The following RBFOX1 variants were observed in gnomAD, a reference collection of about 807,000 sequenced individuals.
RBFOX1 encodes RNA binding fox-1 homolog 1, also known as RNA binding protein fox-1 homolog 1.
Under a neutral mutation model 57.7 loss-of-function variants are expected in RBFOX1, and 8 were observed. That is an observed-to-expected ratio of 0.14 (90% CI 0.08 to 0.25). RBFOX1 has a LOEUF of 0.25. Ranked by LOEUF, RBFOX1 falls within the 10% of genes least tolerant of loss-of-function variation. The pLI is 1.00. For synonymous variants in RBFOX1, 326 were observed against 222.4 expected, an observed-to-expected ratio of 1.47 and a Z score of -4.15; for missense variants, 611 against 548.5, an observed-to-expected ratio of 1.11 and a Z score of -1.14.
At chr16:7,573,591 T>C (rs895957875) in intron 5 of RBFOX1, among the ~76,000 whole-genome samples, 3 of 152,174 alleles carry the variant, frequency 2.0e-5, no homozygotes, top group African/African-American at 7.2e-5. Context: ...CCCAGCACTT[T>C]GGGAGGCCAA....
At chr16:5,788,929 A>T (rs2054599811) in intron 3 of RBFOX1, among the ~76,000 whole-genome samples, 1 of 152,150 alleles carries the variant, frequency 6.6e-6, no homozygotes, top group African/African-American at 2.4e-5. Context: ...GTGTCTCAGG[A>T]AGATAGAAGC....
At chr16:7,393,018 C>T (rs534635065) in intron 4 of RBFOX1, among the ~76,000 whole-genome samples, 3 of 152,220 alleles carry the variant, frequency 2.0e-5, no homozygotes, top group East Asian at 3.9e-4. Flanking sequence ...GGACTACAGG[C>T]CCATGCCACC....
intron 10 of RBFOX1, among the ~76,000 whole-genome samples, chr16:7,611,837 T>G (rs1238841869): frequency 6.6e-6 from 1 of 152,176 alleles, no homozygotes; most frequent in South Asian, 2.1e-4. Context: ...CAAGTCATAC[T>G]TATAAAAATC....
chr16:7,485,784 A>G (rs1024846663), intron 4 of RBFOX1, among the ~76,000 whole-genome samples: 1 of 152,150 alleles, frequency 6.6e-6, no homozygotes, highest in Non-Finnish European at 1.5e-5. Context: ...ACATCCCTTG[A>G]CTATCTTCTG....
chr16:6,023,232 A>G (rs1596459176), intron 1 of RBFOX1, among the ~76,000 whole-genome samples: 1 of 150,508 alleles, frequency 6.6e-6, no homozygotes, highest in South Asian at 2.1e-4. Flanking sequence ...GAATTGACCC[A>G]CTCTGCCCTA....
intron 4 of RBFOX1, among the ~76,000 whole-genome samples, chr16:7,188,777 G>T (rs1206358114): frequency 6.6e-6 from 1 of 152,186 alleles, no homozygotes; most frequent in East Asian, 1.9e-4. Context: ...AAGACCGCAA[G>T]AGCTGGTATA....
intron 3 of RBFOX1, among the ~76,000 whole-genome samples, chr16:6,973,998 G>T (rs961668961): frequency 6.6e-6 from 1 of 152,064 alleles, no homozygotes; most frequent in Admixed American, 6.6e-5. Flanking sequence ...TCATTGTTCA[G>T]CTCTCACTTT....
chr16:5,874,536 A>T (rs1026852149), intron 4 of RBFOX1, among the ~76,000 whole-genome samples: 5 of 152,160 alleles, frequency 3.3e-5, no homozygotes, highest in African/African-American at 1.2e-4. Flanking sequence ...AAGGAAAAAA[A>T]GATGGAGAGT....
intron 1 of RBFOX1, among the ~76,000 whole-genome samples, chr16:6,162,146 G>A (rs944315864): frequency 3.9e-5 from 6 of 152,060 alleles, no homozygotes; most frequent in South Asian, 2.1e-4. Context: ...GAGACTGGGC[G>A]TCACTCTGTC....
chr16:7,059,567 A>G (rs1162210762), intron 4 of RBFOX1, among the ~76,000 whole-genome samples: 1 of 152,200 alleles, frequency 6.6e-6, no homozygotes, highest in Non-Finnish European at 1.5e-5. Flanking sequence ...TCAATGTGAA[A>G]CTGATGAATA....
Position 7,713,101 on chromosome 16 carries a change from A to G in RBFOX1, c.*2356A>G, listed in dbSNP as rs762733445. ...AACAAACATTTTGGATTTTTTTTAA[A>G]CAGTATTTATTTGGAATGTTTTCAT... On this transcript the variant is annotated 3_prime_UTR_variant, in exon 16 of 16. Transcript: ENST00000550418. 1 of 152,174 alleles carries G rather than the reference A, an allele frequency of 6.6e-6. No homozygotes were observed. The highest frequency in any genetic ancestry group is 1.5e-5 in the Non-Finnish European group (1 of 68,034). The allele number at this position is 152,174 out of a possible 1,614,324, so 9.4% of individuals were successfully genotyped here. A position where few individuals can be genotyped will look rare whatever the true frequency, so the allele number is the denominator to read the frequency against.
chr16:6,065,018 T>G (rs1300550852), intron 1 of RBFOX1, among the ~76,000 whole-genome samples: 1 of 151,770 alleles, frequency 6.6e-6, no homozygotes, highest in African/African-American at 2.4e-5. Context: ...TTCTTTTCTT[T>G]CTTTCTTTCT....
At chr16:7,028,803 C>T (rs183362273) in intron 3 of RBFOX1, among the ~76,000 whole-genome samples, 8 of 150,860 alleles carry the variant, frequency 5.3e-5, no homozygotes, top group Non-Finnish European at 7.4e-5. Flanking sequence ...CAAACATTGG[C>T]GATCAACAAA....
At chr16:6,957,617 C>A (rs952218430) in intron 3 of RBFOX1, among the ~76,000 whole-genome samples, 1 of 152,110 alleles carries the variant, frequency 6.6e-6, no homozygotes, top group East Asian at 1.9e-4. Context: ...GTTTTATCAG[C>A]AAGGTCTTTA....
intron 3 of RBFOX1, among the ~76,000 whole-genome samples, chr16:5,744,872 C>T (rs1449027975): frequency 2.6e-5 from 4 of 152,184 alleles, no homozygotes; most frequent in African/African-American, 9.7e-5. Flanking sequence ...ATTCTCCTGC[C>T]TCACCGCTCT....
rs534430183 is a variant in RBFOX1 at position 7,363,492 on chromosome 16, A to C, written c.28-154655A>C. Among the ~76,000 whole-genome samples, 99 of 111,864 alleles carry C rather than the reference A, an allele frequency of 8.9e-4. 1 individual carries two copies. Among genetic ancestry groups the C allele is most frequent in the Non-Finnish European group, 1.6e-3 (74 of 46,814 alleles). 73.4% of individuals were successfully genotyped at this position (111,864 alleles called of 152,430 possible). A position where few individuals can be genotyped will look rare whatever the true frequency, so the allele number is the denominator to read the frequency against. ...TCCGAGGTCACCCCTGGAGCTAATA[A>C]AGGAAAAAAAAAATAAGTAAAGGCC... On this transcript the variant is annotated intron_variant, in intron 4 of 15. Transcript: ENST00000550418.
In RBFOX1 at chr16:5,277,496, T is replaced by C. The variant is rs528078224; in HGVS notation, c.219+37391T>C. ...AATTGTTAATAGTCACTTTCTATGA[T>C]ATTAAACACTAGATCTTATTCCTTC... is the stretch of plus-strand genomic sequence containing the variant. On this transcript the variant is annotated intron_variant, in intron 1 of 2. Coordinates refer to the RBFOX1 transcript ENST00000585867. 5.9e-5 allele frequency among the ~76,000 whole-genome samples: 9 copies of C among 152,302 alleles called. No homozygotes were observed. In the East Asian group the frequency reaches 1.7e-3, roughly 29 times the overall value.
chr16:7,598,040 C>T (rs964653423), intron 9 of RBFOX1, among the ~76,000 whole-genome samples: 2 of 152,076 alleles, frequency 1.3e-5, no homozygotes, highest in African/African-American at 2.4e-5. Flanking sequence ...AATAAAACTT[C>T]TGAAAACTCC....
intron 3 of RBFOX1, among the ~76,000 whole-genome samples, chr16:5,768,042 C>G (rs1036360978): frequency 6.6e-6 from 1 of 152,162 alleles, no homozygotes; most frequent in Non-Finnish European, 1.5e-5. Flanking sequence ...ATGCAATTAT[C>G]CAAAAATAAC....
Sources: gnomAD v4.1 joint callset for allele counts (sites outside exome capture counted in the v4.1 genomes callset) on GRCh38, gnomAD v4.1.1 for gene constraint, MANE v1.5 for transcripts, NCBI Gene and HGNC (gene_info 2026-07-23, HGNC 2026-07-21) for gene names.